The following DPP6 variants were observed in gnomAD, a reference collection of about 807,000 sequenced individuals.
DPP6 encodes the protein A-type potassium channel modulatory protein DPP6.
In DPP6, 69 loss-of-function variants were observed where a neutral mutation model predicts 122.6. The ratio of observed to expected loss-of-function variants is 0.56; its 90% CI spans 0.46 to 0.69. The LOEUF is 0.69. DPP6 is among the 30% of genes least tolerant of loss of function. DPP6 has a pLI of 0.00. For synonymous variants in DPP6, 418 were observed against 433.1 expected, an observed-to-expected ratio of 0.97 and a Z score of 0.43; for missense variants, 928 against 1,116.9, an observed-to-expected ratio of 0.83 and a Z score of 2.41.
intron 1 of DPP6, among the ~76,000 whole-genome samples, chr7:154,377,741 T>C (rs1813250497): frequency 6.6e-6 from 1 of 152,162 alleles, no homozygotes; most frequent in East Asian, 1.9e-4. Context: ...GAAACGTGAG[T>C]TAATAAAATC....
chr7:154,835,087 C>T (rs1800945499), intron 16 of DPP6, among the ~76,000 whole-genome samples: 1 of 152,072 alleles, frequency 6.6e-6, no homozygotes, highest in African/African-American at 2.4e-5. Flanking sequence ...CCTCTAGCTC[C>T]CTTTTGTGAC....
intron 8 of DPP6, among the ~76,000 whole-genome samples, chr7:154,743,174 G>A (rs1197968428): frequency 1.3e-5 from 2 of 152,150 alleles, no homozygotes; most frequent in African/African-American, 4.8e-5. Flanking sequence ...TATCTCCAGC[G>A]CATTTTGGAT....
At chr7:153,766,723 A>G in the DPP6 span, among the ~76,000 whole-genome samples, 1 of 152,212 alleles carries the variant, frequency 6.6e-6, no homozygotes, top group Non-Finnish European at 1.5e-5. Context: ...CTTTAGGGTA[A>G]TAGAGGCAAC....
At position 153,983,501 on chromosome 7, in the gene DPP6, G is replaced by A. The variant is rs188077681; in HGVS notation, c.51+95767G>A. Reference sequence around the variant, plus strand: ...ATTGGGCTCCATGGAGATGGGCTCCGCTGAGCAAGACCACTTGGCTCCCTG... The same window carrying A: ...ATTGGGCTCCATGGAGATGGGCTCCACTGAGCAAGACCACTTGGCTCCCTG... On this transcript the variant is annotated intron_variant, in intron 1 of 25. Transcript: ENST00000404039. 4.7e-3 allele frequency among the ~76,000 whole-genome samples: 712 copies of A among 152,328 alleles called. 8 individuals carry two copies. Among genetic ancestry groups the A allele is most frequent in the Admixed American group, 0.023 (358 of 15,304 alleles).
At chr7:154,583,772 C>T (rs190819163) in intron 5 of DPP6, among the ~76,000 whole-genome samples, 3 of 152,322 alleles carry the variant, frequency 2.0e-5, no homozygotes, top group Non-Finnish European at 4.4e-5. Flanking sequence ...ACCTCTGACT[C>T]GGGTGTCAGA....
At chr7:154,510,886 G>A (rs181821665) in intron 3 of DPP6, among the ~76,000 whole-genome samples, 9 of 150,852 alleles carry the variant, frequency 6.0e-5, no homozygotes, top group Non-Finnish European at 8.8e-5. Context: ...TCTCACTCTC[G>A]TGCTCTCTCT....
At chr7:154,689,473 G>A (rs13245492) in intron 7 of DPP6, among the ~76,000 whole-genome samples, 8,267 of 152,076 alleles carry the variant, frequency 0.054, 308 homozygotes, top group African/African-American at 0.1. Context: ...GAGGTGTATT[G>A]TATTGTCAGT....
chr7:154,822,126 C>A (rs1487685716), intron 16 of DPP6, among the ~76,000 whole-genome samples: 1 of 152,140 alleles, frequency 6.6e-6, no homozygotes, highest in East Asian at 1.9e-4. Context: ...TACGCCGTTG[C>A]ATCTTGTCCA....
At chr7:153,928,254 C>T (rs1800998404) in intron 1 of DPP6, among the ~76,000 whole-genome samples, 2 of 150,544 alleles carry the variant, frequency 1.3e-5, no homozygotes, top group South Asian at 4.2e-4. Context: ...TGCTGCTGCC[C>T]AGGCTGGAGT....
chr7:154,101,101 A>G (rs2150568831), intron 1 of DPP6, among the ~76,000 whole-genome samples: 1 of 135,872 alleles, frequency 7.4e-6, no homozygotes, highest in Non-Finnish European at 1.7e-5. Flanking sequence ...CTAACTGACC[A>G]GTTGGACACT....
In DPP6 at chr7:154,777,049, C is replaced by T. The variant is rs142008718; in HGVS notation, c.1136+4107C>T. Among the ~76,000 whole-genome samples, 43 of 152,330 alleles carry T rather than the reference C, an allele frequency of 2.8e-4. No individual in the cohort carries two copies. In the East Asian group the frequency reaches 3.3e-3, roughly 12 times the overall value. On this transcript the variant is annotated intron_variant, in intron 10 of 25. Coordinates refer to ENST00000377770, the MANE Select transcript of DPP6 (RefSeq NM_130797.4). The stretch of plus-strand genomic sequence containing the variant: ...TGCTTGTTAACTAGATTGACTTCTC[C>T]GATGGTTCTCAGATGCAGGGAGAGT...
At chr7:154,836,132 A>T (rs1364305371) in intron 16 of DPP6, among the ~76,000 whole-genome samples, 3 of 152,186 alleles carry the variant, frequency 2.0e-5, no homozygotes, top group Non-Finnish European at 2.9e-5. Context: ...ACTTCTGTTT[A>T]ATTACCGCGA....
At chr7:154,357,946 C>CAAAAA (rs563436108) in intron 1 of DPP6, among the ~76,000 whole-genome samples, 1 of 123,994 alleles carries the variant, frequency 8.1e-6, no homozygotes. Flanking sequence ...AACTTCGTCT[C>CAAAAA]AAAAAAAAAA....
At chr7:154,155,622 A>C (rs1796639306) in intron 1 of DPP6, among the ~76,000 whole-genome samples, 1 of 152,248 alleles carries the variant, frequency 6.6e-6, no homozygotes, top group Non-Finnish European at 1.5e-5. Flanking sequence ...CCAGGAGAAC[A>C]GTTCCTATGT....
Position 154,877,665 on chromosome 7 carries a change from T to A in DPP6, c.2078+1565T>A, listed in dbSNP as rs1251499448. ...CCAGCAGGTTGGGGAGGAAACCACT[T>A]TTAGAAACTTCCAGAAAGGAAAGGA... On this transcript the variant is annotated intron_variant, in intron 20 of 25. Transcript: ENST00000377770. The surrounding 1 kb of genome is among the most constrained non-coding windows in gnomAD (Gnocchi z 5.2). 6.6e-6 allele frequency among the ~76,000 whole-genome samples: 1 copy of A among 151,978 alleles called. No homozygotes were observed. Among genetic ancestry groups the A allele is most frequent in the East Asian group, 1.9e-4 (1 of 5,154 alleles).
chr7:154,616,208 G>A (rs1470737362), intron 5 of DPP6, among the ~76,000 whole-genome samples: 1 of 152,082 alleles, frequency 6.6e-6, no homozygotes, highest in Non-Finnish European at 1.5e-5. Flanking sequence ...TTTACAGGAT[G>A]GTCAGCTGTC....
intron 1 of DPP6, among the ~76,000 whole-genome samples, chr7:154,079,232 C>T (rs1357018278): frequency 2.0e-5 from 3 of 152,138 alleles, no homozygotes; most frequent in African/African-American, 4.8e-5. Flanking sequence ...CACACAACTC[C>T]GTTTCCACTC....
At chr7:154,016,316 C>T (rs1329665348) in intron 1 of DPP6, among the ~76,000 whole-genome samples, 1 of 149,310 alleles carries the variant, frequency 6.7e-6, no homozygotes, top group Non-Finnish European at 1.5e-5. Flanking sequence ...TTGTTTTTTG[C>T]TATATCTGCA....
At chr7:153,849,879 T>C in the DPP6 span, among the ~76,000 whole-genome samples, 1 of 152,184 alleles carries the variant, frequency 6.6e-6, no homozygotes, top group Non-Finnish European at 1.5e-5. Flanking sequence ...ATTTTAAGTG[T>C]CTTTTATTGA....
Sources: allele counts gnomAD v4.1 joint callset (sites outside exome capture counted in the v4.1 genomes callset), GRCh38; gene constraint gnomAD v4.1.1; non-coding constraint Gnocchi (gnomAD v3.1); transcripts MANE v1.5; gene names NCBI Gene and HGNC (gene_info 2026-07-23, HGNC 2026-07-21).